Variants in NGLY1 observed in about 807,000 individuals in gnomAD.
The protein encoded by NGLY1 is N-glycanase 1, also known as peptide-N(4)-(N-acetyl-beta-glucosaminyl)asparagine amidase.
Under a neutral mutation model 84.6 loss-of-function variants are expected in NGLY1, and 68 were observed. The ratio of observed to expected loss-of-function variants is 0.80; its 90% confidence interval spans 0.66 to 0.98. The LOEUF (loss-of-function observed/expected upper bound fraction) is 0.98, where lower values mean the gene tolerates loss of function less well. Among genes scored for constraint, NGLY1 ranks in the 50% least tolerant of loss-of-function variants. The probability of loss-of-function intolerance (pLI) is 0.00; values close to 1 mark genes in which losing one functional copy is unlikely to be tolerated. For missense variants in NGLY1, 779 were observed against 770.2 expected, an observed-to-expected ratio of 1.01 and a Z score of -0.14; for synonymous variants, 280 against 275.2, an observed-to-expected ratio of 1.02 and a Z score of -0.17.
rs79372214 is a variant in NGLY1 at position 25,732,269 on chromosome 3, A to G, written c.1425+50T>C. 1,231 of 1,562,994 alleles carry G rather than the reference A, an allele frequency of 7.9e-4. 9 individuals are homozygous for G. The African/African-American group carries it at 0.014, about 18-fold the overall frequency. On this transcript the variant is annotated intron_variant, in intron 9 of 11. Coordinates refer to ENST00000280700, the MANE Select transcript of NGLY1 (RefSeq NM_018297.4). ...GAGGATAGTATAGGAAGAGCATAGT[A>G]TATGAAGCAGGAAAGTAAAAGGATC... is the stretch of plus-strand genomic sequence containing the variant.
intron 2 of NGLY1, among the ~76,000 whole-genome samples, chr3:25,770,204 G>A (rs917787555): frequency 2.0e-5 from 3 of 152,146 alleles, no homozygotes; most frequent in African/African-American, 7.2e-5. Flanking sequence ...AAGCTGGAGT[G>A]CAATGGCATG....
intron 4 of NGLY1, among the ~76,000 whole-genome samples, chr3:25,746,441 A>T (rs1359737886): frequency 6.6e-6 from 1 of 152,254 alleles, no homozygotes; most frequent in African/African-American, 2.4e-5. Flanking sequence ...AATGTGATGA[A>T]GTTATTGATA....
Position 25,764,216 on chromosome 3 carries a change from A to G in NGLY1, c.342T>C (p.Asp114=). 1 of 1,614,138 alleles carries G rather than the reference A, an allele frequency of 6.2e-7. No individual in the cohort carries two copies. The highest frequency in any genetic ancestry group is 1.1e-5 in the South Asian group (1 of 91,084). ...TTACTTTGTGGCTCTTATTTGAGCC[A>G]TCCAGTCTGCTACTTCTCTCTATGG... ...LIAIERSSRL[D]GSNKSHKVKS... The change falls in exon 3 of 12, where the codon GAT becomes GAC. Residue 114 remains aspartate (D), a synonymous_variant. Coordinates refer to ENST00000280700, the MANE Select transcript of NGLY1 (RefSeq NM_018297.4).
chr3:25,760,753 C>T (rs1043232766), intron 3 of NGLY1, among the ~76,000 whole-genome samples: 11 of 151,258 alleles, frequency 7.3e-5, no homozygotes, highest in East Asian at 1.9e-4. Context: ...CCAGCTACTA[C>T]GGAGGCTGAG....
exon 1 of NGLY1, chr3:25,789,981 A>C (rs879200762): frequency 7.6e-7 from 1 of 1,316,338 alleles, no homozygotes; most frequent in Non-Finnish European, 1.1e-6. Context: ...AGCCAAGGTG[A>C]CGCGGCTTAA....
At chr3:25,758,517 G>A (rs546210033) in intron 3 of NGLY1, among the ~76,000 whole-genome samples, 10 of 152,302 alleles carry the variant, frequency 6.6e-5, no homozygotes, top group East Asian at 3.9e-4. Context: ...GGTCAGAGCT[G>A]CAGTGAGCTG....
chr3:25,779,620 G>A (rs994425454), intron 1 of NGLY1, among the ~76,000 whole-genome samples: 2 of 152,166 alleles, frequency 1.3e-5, no homozygotes, highest in Non-Finnish European at 2.9e-5. Flanking sequence ...ATGATATGGT[G>A]AGTAGGCAAA....
chr3:25,789,743 CTTAA>C, intron 1 of NGLY1: 1 of 1,246,504 alleles, frequency 8.0e-7, no homozygotes, highest in East Asian at 2.5e-5. Context: ...AGAGAATTTC[CTTAA>C]TTCTTTCTTA....
chr3:25,779,407 A>T (rs1708308423), intron 1 of NGLY1, among the ~76,000 whole-genome samples: 1 of 152,258 alleles, frequency 6.6e-6, no homozygotes, highest in Non-Finnish European at 1.5e-5. Flanking sequence ...AAAAAAAATT[A>T]AAAGAATGTA....
chr3:25,735,028 G>A (rs1015812512), intron 7 of NGLY1: 3 of 251,594 alleles, frequency 1.2e-5, no homozygotes, highest in East Asian at 1.8e-4. Flanking sequence ...TTATCCATAT[G>A]TAAAAAAAAA....
intron 3 of NGLY1, among the ~76,000 whole-genome samples, chr3:25,753,143 T>C (rs148464821): frequency 3.3e-5 from 5 of 152,132 alleles, no homozygotes; most frequent in Admixed American, 1.3e-4. Flanking sequence ...CATTTTACAA[T>C]AGCAAGGCTA....
rs185477711 is a variant in NGLY1 at position 25,732,706 on chromosome 3, A to T, written c.1261-223T>A. On this transcript the variant is annotated intron_variant, in intron 8 of 11. Transcript: ENST00000280700. ...GGAAATCATTTAACACCTATTTCCAACTCTCCATGAGCTCTACTGTCCTAG... is the reference window on the plus strand; with the variant it reads ...GGAAATCATTTAACACCTATTTCCATCTCTCCATGAGCTCTACTGTCCTAG... 1.3e-4 allele frequency among the ~76,000 whole-genome samples: 20 copies of T among 152,270 alleles called. No individual in the cohort carries two copies. The East Asian group carries it at 3.9e-3, about 29-fold the overall frequency.
chr3:25,770,482 GGATT>G (rs1233213080), intron 2 of NGLY1, among the ~76,000 whole-genome samples: 1 of 152,070 alleles, frequency 6.6e-6, no homozygotes, highest in Admixed American at 6.6e-5. Flanking sequence ...GTTGACTGAT[GGATT>G]GATTCCATAT....
At chr3:25,759,935 C>A (rs1707227458) in intron 3 of NGLY1, among the ~76,000 whole-genome samples, 1 of 151,566 alleles carries the variant, frequency 6.6e-6, no homozygotes, top group Non-Finnish European at 1.5e-5. Flanking sequence ...CACACACACA[C>A]ACACACACAA....
intron 1 of NGLY1, among the ~76,000 whole-genome samples, chr3:25,788,580 C>T (rs7648853): frequency 0.084 from 12,769 of 152,130 alleles, 1,176 homozygotes; most frequent in African/African-American, 0.24. Context: ...TTAGCCAAGA[C>T]GATTTTGTGA....
intron 4 of NGLY1, among the ~76,000 whole-genome samples, chr3:25,747,642 C>T (rs1223353693): frequency 2.0e-5 from 3 of 152,128 alleles, no homozygotes; most frequent in Non-Finnish European, 2.9e-5. Context: ...TCAATACTCT[C>T]ACCTTTAAAA....
At chr3:25,786,913 C>T (rs1708618588), upstream of NGLY1, among the ~76,000 whole-genome samples, 1 of 152,192 alleles carries the variant, frequency 6.6e-6, no homozygotes, top group African/African-American at 2.4e-5. Context: ...ATTCATTCAT[C>T]ATGTATTTAT....
At chr3:25,755,780 G>T in intron 3 of NGLY1, 2 of 708,816 alleles carry the variant, frequency 2.8e-6, no homozygotes, top group Non-Finnish European at 2.3e-6. Context: ...TACCTTAAAA[G>T]ACTTTCATAT....
rs377289212 is a variant in NGLY1 at position 25,783,249 on chromosome 3, T to C, written c.131+11A>G. 1.5e-5 allele frequency: 22 copies of C among 1,483,636 alleles called. No homozygotes were observed. The highest frequency in any genetic ancestry group is 2.8e-5 in the African/African-American group (2 of 71,314). The allele number at this position is 1,483,636 out of a possible 1,614,324, so 91.9% of individuals were successfully genotyped here. On this transcript the variant is annotated intron_variant, in intron 1 of 11. Transcript: ENST00000280700. The surrounding 1 kb of genome is among the most constrained non-coding windows in gnomAD (Gnocchi z 4.5). The stretch of plus-strand genomic sequence containing the variant: ...CCCCGGTACCCGCCGTCCGACCCCG[T>C]TGCCCTGCACCTGAGGATGTTGTCA...
Sources: allele counts gnomAD v4.1 joint callset (sites outside exome capture counted in the v4.1 genomes callset), GRCh38; gene constraint gnomAD v4.1.1; non-coding constraint Gnocchi (gnomAD v3.1); transcripts MANE v1.5; gene names NCBI Gene and HGNC (gene_info 2026-07-23, HGNC 2026-07-21).